Variants in CCSER1 observed in about 807,000 individuals in gnomAD.
CCSER1 encodes coiled-coil serine rich protein 1.
CCSER1 carries 41 observed loss-of-function variants against 82.0 expected under a neutral mutation model. The observed-to-expected ratio is 0.50, with a 90% CI of 0.39 to 0.65. The LOEUF is 0.65. Ranked by LOEUF, CCSER1 falls within the 30% of genes least tolerant of loss-of-function variation. The pLI, the probability that CCSER1 is intolerant of heterozygous loss-of-function variation, is 0.00. For missense variants in CCSER1, 1,119 were observed against 1,064.2 expected (o/e 1.05, Z -0.72); for synonymous variants, 414 against 383.9 (o/e 1.08, Z -0.92).
chr4:91,360,332 G>T (rs1247039308), intron 10 of CCSER1, among the ~76,000 whole-genome samples: 1 of 151,754 alleles, frequency 6.6e-6, no homozygotes, highest in Non-Finnish European at 1.5e-5. Context: ...GATTTAAACT[G>T]TGTAGACATT....
At chr4:90,437,891 G>A (rs1293944995) in intron 4 of CCSER1, among the ~76,000 whole-genome samples, 4 of 151,972 alleles carry the variant, frequency 2.6e-5, no homozygotes, top group Non-Finnish European at 4.4e-5. Flanking sequence ...TATTCTTTTT[G>A]GCTAATTATG....
intron 7 of CCSER1, among the ~76,000 whole-genome samples, chr4:90,743,159 A>G (rs1746830959): frequency 6.6e-6 from 1 of 152,334 alleles, no homozygotes; most frequent in South Asian, 2.1e-4. Context: ...AATATAATGA[A>G]TACCACTTTA....
chr4:91,332,469 C>T (rs759391256), intron 10 of CCSER1, among the ~76,000 whole-genome samples: 4 of 151,644 alleles, frequency 2.6e-5, no homozygotes, highest in Non-Finnish European at 4.4e-5. Context: ...GGAAAATTGT[C>T]ATTACCATCT....
intron 10 of CCSER1, among the ~76,000 whole-genome samples, chr4:91,452,527 T>C (rs1209455452): frequency 1.3e-5 from 2 of 152,040 alleles, no homozygotes; most frequent in Admixed American, 6.6e-5. Context: ...TCTAAATGTA[T>C]GTCTTTGTCA....
At position 90,143,436 on chromosome 4, in the gene CCSER1, G is replaced by A. The variant is rs142065511; in HGVS notation, c.-42+15605G>A. 2.9e-4 allele frequency among the ~76,000 whole-genome samples: 43 copies of A among 150,256 alleles called. No individual in the cohort carries two copies. In the East Asian group the frequency reaches 7.5e-3, roughly 26 times the overall value. On this transcript the variant is annotated intron_variant, in intron 1 of 10. Coordinates refer to ENST00000509176, the MANE Select transcript of CCSER1 (RefSeq NM_001145065.2). Reference sequence around the variant, plus strand: ...AGACCATAAACTTCCTGAGAACACAGTTCATGTTTGGTTTTTTCCACCATT... The same window carrying A: ...AGACCATAAACTTCCTGAGAACACAATTCATGTTTGGTTTTTTCCACCATT...
intron 5 of CCSER1, among the ~76,000 whole-genome samples, chr4:90,553,836 AT>A (rs1777811490): frequency 6.6e-6 from 1 of 152,194 alleles, no homozygotes; most frequent in East Asian, 1.9e-4. Context: ...TCTGAAATGC[AT>A]TTTCTCATGT....
At chr4:90,193,661 A>G (rs1371399671) in intron 1 of CCSER1, among the ~76,000 whole-genome samples, 1 of 151,850 alleles carries the variant, frequency 6.6e-6, no homozygotes, top group Admixed American at 6.6e-5. Context: ...TTATTTTTAC[A>G]TGATAACACT....
chr4:91,290,372 A>G (rs1743653192), intron 10 of CCSER1, among the ~76,000 whole-genome samples: 1 of 151,984 alleles, frequency 6.6e-6, no homozygotes, highest in Non-Finnish European at 1.5e-5. Flanking sequence ...TGCTGCTAAG[A>G]TATTACCAAA....
At chr4:91,143,450 T>C (rs1197153480) in intron 10 of CCSER1, among the ~76,000 whole-genome samples, 1 of 152,096 alleles carries the variant, frequency 6.6e-6, no homozygotes. Context: ...GACTTCTTTT[T>C]CTATTTGTAT....
intron 9 of CCSER1, among the ~76,000 whole-genome samples, chr4:90,946,691 A>C (rs1405503168): frequency 6.6e-6 from 1 of 152,076 alleles, no homozygotes; most frequent in Non-Finnish European, 1.5e-5. Context: ...TGAAATTCTT[A>C]AGGCTGTTCA....
At chr4:91,429,297 A>C (rs1201569357) in intron 10 of CCSER1, among the ~76,000 whole-genome samples, 1 of 151,856 alleles carries the variant, frequency 6.6e-6, no homozygotes, top group African/African-American at 2.4e-5. Flanking sequence ...TTTCTCTTTC[A>C]ATTTAAGTAC....
intron 5 of CCSER1, among the ~76,000 whole-genome samples, chr4:90,530,010 T>A (rs1774306772): frequency 6.6e-6 from 1 of 151,766 alleles, no homozygotes; most frequent in South Asian, 2.1e-4. Flanking sequence ...ATTTCCCTGC[T>A]CTTTAATATG....
intron 6 of CCSER1, among the ~76,000 whole-genome samples, chr4:90,710,879 G>A (rs758489663): frequency 2.3e-4 from 35 of 151,956 alleles, no homozygotes; most frequent in Non-Finnish European, 4.6e-4. Context: ...TGTCAACATG[G>A]TTTAATGGGA....
intron 10 of CCSER1, among the ~76,000 whole-genome samples, chr4:91,251,142 C>A (rs550126967): frequency 3.3e-5 from 5 of 152,184 alleles, no homozygotes; most frequent in African/African-American, 1.2e-4. Context: ...TAACAAATAC[C>A]ATAGACTAGG....
At chr4:90,665,997 A>G (rs1005757742) in intron 6 of CCSER1, among the ~76,000 whole-genome samples, 5 of 151,932 alleles carry the variant, frequency 3.3e-5, no homozygotes, top group Admixed American at 2.6e-4. Context: ...CCATTTCCTT[A>G]CAGGCCTGGA....
At chr4:91,394,486 A>G (rs189927075) in intron 10 of CCSER1, among the ~76,000 whole-genome samples, 1 of 152,216 alleles carries the variant, frequency 6.6e-6, no homozygotes, top group East Asian at 1.9e-4. Context: ...ATCATAGACT[A>G]TTAATTAGTT....
intron 5 of CCSER1, 99 bp downstream of exon 5, chr4:90,468,453 AAAG>A (rs549112339): frequency 2.1e-4 from 230 of 1,075,682 alleles, no homozygotes; most frequent in South Asian, 2.0e-3. Flanking sequence ...TAGTATAAAG[AAAG>A]AAGAAATAAA....
chr4:90,373,443 A>G (rs1747791531), intron 3 of CCSER1, among the ~76,000 whole-genome samples: 1 of 152,194 alleles, frequency 6.6e-6, no homozygotes, highest in Non-Finnish European at 1.5e-5. Flanking sequence ...ATGGTGCAAT[A>G]TGGTTGGAAT....
intron 1 of CCSER1, among the ~76,000 whole-genome samples, chr4:90,156,969 C>T (rs1014968635): frequency 5.9e-5 from 9 of 152,216 alleles, no homozygotes; most frequent in East Asian, 1.9e-4. Context: ...TTCCTAGCCT[C>T]GATGGTTTTT....
Sources: allele counts gnomAD v4.1 joint callset (sites outside exome capture counted in the v4.1 genomes callset), GRCh38; gene constraint gnomAD v4.1.1; transcripts MANE v1.5; gene names NCBI Gene and HGNC (gene_info 2026-07-23, HGNC 2026-07-21).